Variants in CHD2 observed in about 807,000 individuals in gnomAD.
CHD2 encodes ATP-dependent chromatin remodeler CHD2.
CHD2 carries 28 observed loss-of-function variants against 243.9 expected under a neutral mutation model. The ratio of observed to expected loss-of-function variants is 0.11; its 90% confidence interval spans 0.09 to 0.16. The LOEUF (loss-of-function observed/expected upper bound fraction) is 0.16. CHD2 is among the 10% of genes least tolerant of loss of function. The pLI is 1.00. For synonymous variants in CHD2, 775 were observed against 779.0 expected, an observed-to-expected ratio of 0.99 and a Z score of 0.09; for missense variants, 1,386 against 2,209.8, an observed-to-expected ratio of 0.63 and a Z score of 7.47.
chr15:92,987,932 A>T (rs959461300), intron 26 of CHD2, among the ~76,000 whole-genome samples: 1 of 152,182 alleles, frequency 6.6e-6, no homozygotes, highest in African/African-American at 2.4e-5. Flanking sequence ...CTTTGAATTA[A>T]CATCAATTTA....
chr15:92,965,832 T>G (rs1011315217), intron 16 of CHD2, among the ~76,000 whole-genome samples: 3 of 152,082 alleles, frequency 2.0e-5, no homozygotes, highest in Non-Finnish European at 2.9e-5. Context: ...ATAGAGGAAG[T>G]AAATCTTGGA....
rs570883836 is a variant in CHD2 at position 92,950,006 on chromosome 15, G to A, written c.1502+930G>A. ...AAAACTTTCCTAAATAGATAAACGCGCAGTGGAAAACAAAGGAAGGGGGTT... is the reference window on the plus strand; with the variant it reads ...AAAACTTTCCTAAATAGATAAACGCACAGTGGAAAACAAAGGAAGGGGGTT... On this transcript the variant is annotated intron_variant, in intron 13 of 38. Transcript: ENST00000394196. Among the ~76,000 whole-genome samples, 9 of 152,276 alleles carry A rather than the reference G, an allele frequency of 5.9e-5. No homozygotes were observed. In the South Asian group the frequency reaches 6.2e-4, roughly 11 times the overall value.
chr15:92,995,634 G>GTCA (rs1385137433), intron 28 of CHD2, among the ~76,000 whole-genome samples: 1 of 151,982 alleles, frequency 6.6e-6, no homozygotes, highest in East Asian at 1.9e-4. Flanking sequence ...GTAGATAGAT[G>GTCA]TCAATTCACA....
intron 12 of CHD2, among the ~76,000 whole-genome samples, chr15:92,947,900 A>G (rs1018970523): frequency 6.6e-6 from 1 of 152,224 alleles, no homozygotes; most frequent in Non-Finnish European, 1.5e-5. Context: ...TAGAGCACTA[A>G]TCTTCAGAGA....
At chr15:93,018,649 G>A (rs999593723) in intron 37 of CHD2, among the ~76,000 whole-genome samples, 1 of 152,174 alleles carries the variant, frequency 6.6e-6, no homozygotes, top group African/African-American at 2.4e-5. Context: ...CAGCAGGGTT[G>A]GTTCCTTCTG....
intron 16 of CHD2, among the ~76,000 whole-genome samples, chr15:92,959,714 A>G (rs1208559201): frequency 6.6e-6 from 1 of 151,782 alleles, no homozygotes; most frequent in East Asian, 1.9e-4. Flanking sequence ...CTGGTCTCGA[A>G]CTCCTGACCT....
rs765024683 is a variant in CHD2, at chr15:92,942,858, C to G, written c.842C>G (p.Thr281Ser). ...CCTTTTGCAGCCACTGGAGCATCTACTACTGTATATGCGATTGAAGCTAAT... is the reference window on the plus strand; with the variant it reads ...CCTTTTGCAGCCACTGGAGCATCTAGTACTGTATATGCGATTGAAGCTAAT... ...LGKKGATGAS[T>S]TVYAIEANGD... The change falls in exon 9 of 39, where the codon ACT becomes AGT. Residue 281 changes from threonine (T) to serine (S), a missense_variant. Physicochemically the swap from Thr to Ser is moderately conservative, Grantham distance 58 (BLOSUM62 1). Transcript: ENST00000394196. The G allele has an allele frequency of 6.2e-7, 1 of 1,612,284 alleles. No individual in the cohort carries two copies. Among genetic ancestry groups the G allele is most frequent in the Non-Finnish European group, 8.5e-7 (1 of 1,179,416 alleles).
intron 13 of CHD2, among the ~76,000 whole-genome samples, chr15:92,952,298 G>A (rs968845342): frequency 2.6e-5 from 4 of 152,156 alleles, no homozygotes; most frequent in African/African-American, 7.2e-5. Flanking sequence ...GACTGGTTTC[G>A]TGGAAGACAA....
chr15:92,945,673 CAGGCGTGAG>C, intron 10 of CHD2, 139 bp from the exon 11 acceptor site: 1 of 447,462 alleles, frequency 2.2e-6, no homozygotes, highest in Non-Finnish European at 3.9e-6. Context: ...GCTGGGATTA[CAGGCGTGAG>C]CCACTATAAT....
Position 92,904,371 on chromosome 15 carries a change from C to T in CHD2, c.62+3072C>T, listed in dbSNP as rs973685287. ...GGGTCAACGGCGGCGCCTTCGGCAGCCTCCGCCCCGTGACGTCAGACGGCT... is the reference window on the plus strand; with the variant it reads ...GGGTCAACGGCGGCGCCTTCGGCAGTCTCCGCCCCGTGACGTCAGACGGCT... On this transcript the variant is annotated intron_variant, in intron 2 of 38. Coordinates refer to ENST00000394196, the MANE Select transcript of CHD2 (RefSeq NM_001271.4). The T allele has an allele frequency of 3.6e-5, 32 of 887,676 alleles. 1 individual carries two copies. In the Middle Eastern group the frequency reaches 1.9e-3, roughly 52 times the overall value. The allele number at this position is 887,676 out of a possible 1,614,324, so 55.0% of individuals were successfully genotyped here.
chr15:92,950,966 A>G (rs539838826), intron 13 of CHD2, among the ~76,000 whole-genome samples: 1 of 152,132 alleles, frequency 6.6e-6, no homozygotes, highest in Admixed American at 6.5e-5. Flanking sequence ...AATGATTCTG[A>G]ATTGCTTAAA....
intron 13 of CHD2, chr15:92,950,458 A>G (rs1184427642): frequency 6.6e-6 from 1 of 152,244 alleles, no homozygotes; most frequent in Non-Finnish European, 1.5e-5. Flanking sequence ...ATGCCAACCT[A>G]CACACTTCTT....
intron 2 of CHD2, chr15:92,904,276 T>C (rs2052575408): frequency 6.1e-6 from 1 of 165,164 alleles, no homozygotes; most frequent in African/African-American, 2.4e-5. Context: ...GAAGTTGCCG[T>C]GCCGAGTTCA....
chr15:92,924,116 T>C (rs1349165343), intron 2 of CHD2, among the ~76,000 whole-genome samples: 1 of 152,162 alleles, frequency 6.6e-6, no homozygotes, highest in East Asian at 1.9e-4. Context: ...ATGTAAACAT[T>C]CAGGAAAGGG....
chr15:92,927,732 T>A (rs2053089405), intron 4 of CHD2, among the ~76,000 whole-genome samples: 1 of 152,232 alleles, frequency 6.6e-6, no homozygotes, highest in Non-Finnish European at 1.5e-5. Context: ...AGTTTGGGAT[T>A]TATTCCTGAA....
chr15:93,014,770 C>G lies in CHD2; in HGVS notation c.4767C>G (p.Asp1589Glu). ...CAGAGGCCTCAGGCTCCAGCCGGGACTCTCTGATATCTCAGTCCCATACCT... is the reference window on the plus strand; with the variant it reads ...CAGAGGCCTCAGGCTCCAGCCGGGAGTCTCTGATATCTCAGTCCCATACCT... Reference protein sequence around the residue: ...FRPEASGSSRDSLISQSHTSH... With the variant: ...FRPEASGSSRESLISQSHTSH... Residue 1589 changes from aspartate to glutamate, a missense_variant, in exon 37 of 39, where the codon GAC (aspartate) becomes GAG (glutamate). By Grantham distance (45) the Asp-to-Glu change is conservative. Coordinates refer to ENST00000394196, the MANE Select transcript of CHD2 (RefSeq NM_001271.4). The G allele has an allele frequency of 6.2e-7, 1 of 1,614,184 alleles. No individual in the cohort carries two copies. The highest frequency in any genetic ancestry group is 8.5e-7 in the Non-Finnish European group (1 of 1,180,030).
At chr15:92,968,105 A>G (rs1006633620) in intron 17 of CHD2, among the ~76,000 whole-genome samples, 2 of 139,308 alleles carry the variant, frequency 1.4e-5, no homozygotes, top group African/African-American at 5.0e-5. Flanking sequence ...TATGTCTCTT[A>G]AGTATATTTT....
intron 2 of CHD2, chr15:92,904,402 G>A (rs577227733): frequency 2.1e-6 from 2 of 960,758 alleles, no homozygotes; most frequent in East Asian, 1.2e-4. Flanking sequence ...CGGCTCCCCT[G>A]GGGGGCGGGG....
At chr15:93,017,777 C>A (rs982662019) in intron 37 of CHD2, among the ~76,000 whole-genome samples, 23 of 152,154 alleles carry the variant, frequency 1.5e-4, no homozygotes, top group African/African-American at 5.6e-4. Flanking sequence ...AAAATTATTT[C>A]ATCACCATTT....
Sources: allele counts gnomAD v4.1 joint callset (sites outside exome capture counted in the v4.1 genomes callset), GRCh38; gene constraint gnomAD v4.1.1; transcripts MANE v1.5; gene names NCBI Gene and HGNC (gene_info 2026-07-23, HGNC 2026-07-21).